Variants in MTMR6 observed in about 807,000 individuals in gnomAD.
MTMR6 encodes the protein myotubularin related protein 6, also known as phosphatidylinositol-3,5-bisphosphate 3-phosphatase MTMR6.
MTMR6 carries 47 observed loss-of-function variants against 80.1 expected under a neutral mutation model. The ratio of observed to expected loss-of-function variants is 0.59; its 90% CI spans 0.46 to 0.75. The LOEUF (loss-of-function observed/expected upper bound fraction) is 0.75. MTMR6 is among the 30% of genes least tolerant of loss of function. The pLI is 0.00. For synonymous variants in MTMR6, 254 were observed against 253.0 expected (o/e 1.00, Z -0.04); for missense variants, 629 against 730.9 (o/e 0.86, Z 1.61).
At chr13:25,258,893 C>T (rs1299159252) in intron 6 of MTMR6, among the ~76,000 whole-genome samples, 4 of 152,122 alleles carry the variant, frequency 2.6e-5, no homozygotes, top group Admixed American at 1.3e-4. Context: ...TAAAGTAATA[C>T]GATTGCTATA....
At chr13:25,273,472 CT>C in intron 2 of MTMR6, among the ~76,000 whole-genome samples, 1 of 151,212 alleles carries the variant, frequency 6.6e-6, no homozygotes, top group East Asian at 1.9e-4. Flanking sequence ...TCCGTTTGAT[CT>C]GTTAATGTGT....
chr13:25,277,487 C>A (rs1326445636), intron 1 of MTMR6, among the ~76,000 whole-genome samples: 1 of 152,186 alleles, frequency 6.6e-6, no homozygotes, highest in Non-Finnish European at 1.5e-5. Flanking sequence ...ATTATTCCCC[C>A]AGGTGAAAAC....
chr13:25,260,722 C>T (rs1288779554), intron 6 of MTMR6: 1 of 1,057,474 alleles, frequency 9.5e-7, no homozygotes, highest in Non-Finnish European at 1.2e-6. Flanking sequence ...TTAGCTATTA[C>T]CACTGAGGAT....
rs1957083737 is a variant in MTMR6 at position 25,251,317 on chromosome 13, G to A, written c.1605+332C>T. ...ATTACAGGCGTGAGCCACTGCGCCC[G>A]GCCTATGTTTTATTTCTTAAAACAA... On this transcript the variant is annotated intron_variant, in intron 13 of 13. Coordinates refer to ENST00000381801, the MANE Select transcript of MTMR6 (RefSeq NM_004685.5). This position sits in a 1 kb window ranked among gnomAD's most constrained non-coding sequence, Gnocchi z 4.1. Among the ~76,000 whole-genome samples the A allele has an allele frequency of 2.0e-5, 3 of 152,094 alleles. No homozygotes were observed. Among genetic ancestry groups the A allele is most frequent in the African/African-American group, 4.8e-5 (2 of 41,418 alleles).
At chr13:25,258,376 T>G (rs550448941) in intron 7 of MTMR6, among the ~76,000 whole-genome samples, 184 bp downstream of exon 7, 39 of 152,264 alleles carry the variant, frequency 2.6e-4, no homozygotes, top group Middle Eastern at 6.8e-3. Flanking sequence ...TTACTGATTT[T>G]TTTTATATTG....
intron 2 of MTMR6, among the ~76,000 whole-genome samples, chr13:25,270,515 A>G (rs1453398624): frequency 2.6e-5 from 4 of 152,210 alleles, no homozygotes; most frequent in African/African-American, 7.2e-5. Context: ...GGAAGCCTTC[A>G]TTTATATCTC....
chr13:25,263,634 C>T (rs988245714), intron 5 of MTMR6, among the ~76,000 whole-genome samples: 1 of 152,198 alleles, frequency 6.6e-6, no homozygotes, highest in Admixed American at 6.5e-5. Context: ...CACCTGCAAT[C>T]CCAGCACTTT....
intron 2 of MTMR6, among the ~76,000 whole-genome samples, chr13:25,269,256 C>T (rs1258342644): frequency 2.0e-5 from 3 of 152,134 alleles, no homozygotes; most frequent in Non-Finnish European, 1.5e-5. Context: ...TGTTATATAT[C>T]ACACACTTCA....
At chr13:25,264,485 T>C (rs763353091) in intron 5 of MTMR6, among the ~76,000 whole-genome samples, 2 of 152,032 alleles carry the variant, frequency 1.3e-5, no homozygotes, top group Admixed American at 6.6e-5. Flanking sequence ...CAGGGCGCAG[T>C]GGCTCACACC....
At chr13:25,286,231 A>C (rs561794867) in intron 1 of MTMR6, among the ~76,000 whole-genome samples, 6 of 152,344 alleles carry the variant, frequency 3.9e-5, no homozygotes, top group African/African-American at 1.4e-4. Flanking sequence ...AACATTTAAA[A>C]AATTTTTAAA....
chr13:25,281,028 G>GA (rs1957831041), intron 1 of MTMR6, among the ~76,000 whole-genome samples: 1 of 152,182 alleles, frequency 6.6e-6, no homozygotes, highest in Non-Finnish European at 1.5e-5. Flanking sequence ...ATCACACTCA[G>GA]AAAATGTTGG....
chr13:25,287,275 T>A lies in MTMR6; in HGVS notation c.-28A>T. 1 of 1,586,828 alleles carries A rather than the reference T, an allele frequency of 6.3e-7. No homozygotes were observed. Among genetic ancestry groups the A allele is most frequent in the Non-Finnish European group, 8.6e-7 (1 of 1,169,476 alleles). On this transcript the variant is annotated 5_prime_UTR_variant, in exon 1 of 14. Transcript: ENST00000381801. Reference sequence around the variant, plus strand: ...CAAGGAGACGTCAGCCGGCAGCCGGTCTCACAGGCGTACCATACGGCTACA... The same window carrying A: ...CAAGGAGACGTCAGCCGGCAGCCGGACTCACAGGCGTACCATACGGCTACA...
intron 8 of MTMR6, 25 bp downstream of exon 8, chr13:25,257,711 C>G: frequency 6.5e-7 from 1 of 1,549,898 alleles, no homozygotes. Context: ...GACCCCAAGA[C>G]CAAATATGAA....
At position 25,257,216 on chromosome 13, in the gene MTMR6, T is replaced by C. The variant is rs145423282; in HGVS notation, c.1075A>G (p.Arg359Gly). 1 of 1,613,750 alleles carries C rather than the reference T, an allele frequency of 6.2e-7. No homozygotes were observed. Among genetic ancestry groups the C allele is most frequent in the Non-Finnish European group, 8.5e-7 (1 of 1,179,790 alleles). The change falls in exon 9 of 14, where the codon AGG becomes GGG. Residue 359 changes from arginine (R) to glycine (G), a missense_variant. Coordinates refer to ENST00000381801, the MANE Select transcript of MTMR6 (RefSeq NM_004685.5). ...CTTACCATGAATCCTTTGATTGTCC[T>C]GTAGTAGGAATCCAATAAAAGAGAA... ...LGSLLLDSYY[R>G]TIKGFMVLIE...
At chr13:25,274,444 T>G (rs1957660717) in intron 1 of MTMR6, among the ~76,000 whole-genome samples, 1 of 152,110 alleles carries the variant, frequency 6.6e-6, no homozygotes, top group African/African-American at 2.4e-5. Context: ...ATATTGAGGG[T>G]AGCAAGAAAC....
At chr13:25,274,844 T>C (rs1205540756) in intron 1 of MTMR6, among the ~76,000 whole-genome samples, 1 of 152,092 alleles carries the variant, frequency 6.6e-6, no homozygotes, top group Non-Finnish European at 1.5e-5. Flanking sequence ...CAGCTCTGAA[T>C]TCCCTGGCAT....
intron 1 of MTMR6, among the ~76,000 whole-genome samples, chr13:25,284,829 CCT>C (rs1957923891): frequency 6.6e-6 from 1 of 152,046 alleles, no homozygotes; most frequent in Non-Finnish European, 1.5e-5. Flanking sequence ...CAGAATGTAC[CCT>C]GAGGTCCACC....
At chr13:25,280,362 C>T (rs1957819058) in intron 1 of MTMR6, among the ~76,000 whole-genome samples, 1 of 152,162 alleles carries the variant, frequency 6.6e-6, no homozygotes, top group Non-Finnish European at 1.5e-5. Context: ...CATTCCACAA[C>T]ATTTATTTAG....
In MTMR6 at chr13:25,257,765, C is replaced by A; in HGVS notation, c.940G>T (p.Val314Phe). Residue 314 changes from valine to phenylalanine, a missense_variant, in exon 8 of 14, where the codon GTT (valine) becomes TTT (phenylalanine). Transcript: ENST00000381801. Reference sequence around the variant, plus strand: ...GCCAAGAAGATTGCAGCATCCATAACAGCTTTGATATGGCGAAGCCATCCC... The same window carrying A: ...GCCAAGAAGATTGCAGCATCCATAAAAGCTTTGATATGGCGAAGCCATCCC... Reference protein sequence around the residue: ...SSGWLRHIKAVMDAAIFLAKA... With the variant: ...SSGWLRHIKAFMDAAIFLAKA... The A allele has an allele frequency of 6.2e-7, 1 of 1,613,618 alleles. No homozygotes were observed. Among genetic ancestry groups the A allele is most frequent in the Non-Finnish European group, 8.5e-7 (1 of 1,179,666 alleles).
Sources: gnomAD v4.1 joint callset for allele counts (sites outside exome capture counted in the v4.1 genomes callset) on GRCh38, gnomAD v4.1.1 for gene constraint, Gnocchi (gnomAD v3.1) non-coding constraint, MANE v1.5 for transcripts, NCBI Gene and HGNC (gene_info 2026-07-23, HGNC 2026-07-21) for gene names.